Variants in TRIO observed in about 807,000 individuals in gnomAD.
The protein encoded by TRIO is trio Rho guanine nucleotide exchange factor.
Under a neutral mutation model 351.9 loss-of-function variants are expected in TRIO, and 58 were observed. The ratio of observed to expected loss-of-function variants is 0.16; its 90% CI spans 0.13 to 0.21. The LOEUF is 0.21. Among genes scored for constraint, TRIO ranks in the 10% least tolerant of loss-of-function variants. The pLI is 1.00. For missense variants in TRIO, 3,201 were observed against 4,027.8 expected, an observed-to-expected ratio of 0.79 and a Z score of 5.56; for synonymous variants, 1,758 against 1,595.7, an observed-to-expected ratio of 1.10 and a Z score of -2.42.
chr5:14,164,526 C>T (rs922400376), intron 1 of TRIO, among the ~76,000 whole-genome samples: 2 of 152,070 alleles, frequency 1.3e-5, no homozygotes, highest in African/African-American at 4.8e-5. Context: ...TTCAAGAATC[C>T]GATTTTCATT....
chr5:14,202,387 C>T (rs1381191347), intron 1 of TRIO, among the ~76,000 whole-genome samples: 1 of 123,028 alleles, frequency 8.1e-6, no homozygotes, highest in Non-Finnish European at 1.6e-5. Flanking sequence ...GACAATTCCT[C>T]TTCTTCCAGT....
chr5:14,500,049 T>TAA (rs759222831), intron 53 of TRIO, among the ~76,000 whole-genome samples: 18 of 77,118 alleles, frequency 2.3e-4, no homozygotes, highest in African/African-American at 7.3e-4. Context: ...AGACTCTGTC[T>TAA]CAAAAAAAAA....
At chr5:14,320,200 G>A (rs1263629168) in intron 9 of TRIO, among the ~76,000 whole-genome samples, 1 of 152,168 alleles carries the variant, frequency 6.6e-6, no homozygotes, top group East Asian at 1.9e-4. Context: ...ATGAATAAAT[G>A]AATAGCTGTG....
chr5:14,397,103 C>G lies in TRIO; in HGVS notation c.4372C>G (p.Leu1458Val). Reference sequence around the variant, plus strand: ...GATTAAAGATGGCCTGGAGGTGATGCTCAGCGTGCCGAAGCGAGCCAATGA... The same window carrying G: ...GATTAAAGATGGCCTGGAGGTGATGGTCAGCGTGCCGAAGCGAGCCAATGA... Reference protein sequence around the residue: ...GEIKDGLEVMLSVPKRANDAM... With the variant: ...GEIKDGLEVMVSVPKRANDAM... Residue 1458 changes from leucine (L) to valine (V), a missense_variant, in exon 29 of 57, where the codon CTC (leucine) becomes GTC (valine). Transcript: ENST00000344204. 4 of 1,609,982 alleles carry G rather than the reference C, an allele frequency of 2.5e-6. No homozygotes were observed. Among genetic ancestry groups the G allele is most frequent in the Non-Finnish European group, 3.4e-6 (4 of 1,178,924 alleles).
At chr5:14,368,642 C>A in intron 16 of TRIO, 66 bp from the exon 17 acceptor site, 1 of 1,528,714 alleles carries the variant, frequency 6.5e-7, no homozygotes, top group Non-Finnish European at 8.9e-7. Flanking sequence ...CTGTAGCCAT[C>A]CTGGTTCCTT....
chr5:14,229,117 A>G (rs1301916606), intron 1 of TRIO, among the ~76,000 whole-genome samples: 1 of 152,196 alleles, frequency 6.6e-6, no homozygotes. Flanking sequence ...AATTAAAAAT[A>G]GGTTTAAGAT....
Position 14,188,586 on chromosome 5 carries a change from A to G in TRIO, c.157+44704A>G, listed in dbSNP as rs538099803. On this transcript the variant is annotated intron_variant, in intron 1 of 56. Coordinates refer to ENST00000344204, the MANE Select transcript of TRIO (RefSeq NM_007118.4). ...TACTAAAGTTATGCAAAGTGTTTCT[A>G]TTTTTGAATGATTTTTCTTTCCTTA... 3.3e-5 allele frequency among the ~76,000 whole-genome samples: 5 copies of G among 152,278 alleles called. No individual in the cohort carries two copies. The East Asian group carries it at 9.6e-4, about 29-fold the overall frequency.
intron 15 of TRIO, 38 bp from the exon 16 acceptor site, chr5:14,366,822 A>T (rs1431954691): frequency 2.5e-6 from 4 of 1,612,778 alleles, no homozygotes; most frequent in South Asian, 1.1e-5. Context: ...ATTCTCTGGG[A>T]AGTCCACTGC....
chr5:14,270,722 T>C (rs2152269554), intron 1 of TRIO, 103 bp from the exon 2 acceptor site: 2 of 812,904 alleles, frequency 2.5e-6, no homozygotes, highest in South Asian at 3.0e-5. Flanking sequence ...GTTGATTTAA[T>C]GGATGTGGAT....
chr5:14,287,392 GCA>G (rs1261216782), intron 4 of TRIO, among the ~76,000 whole-genome samples: 3 of 152,186 alleles, frequency 2.0e-5, no homozygotes, highest in African/African-American at 7.2e-5. Context: ...CTGTGGCTTT[GCA>G]CAGTTACAGA....
At chr5:14,351,085 T>C (rs1405085553) in intron 11 of TRIO, among the ~76,000 whole-genome samples, 1 of 152,174 alleles carries the variant, frequency 6.6e-6, no homozygotes, top group African/African-American at 2.4e-5. Context: ...CACCTCCCAC[T>C]GTGCAGCCCA....
chr5:14,324,944 G>A (rs1235034322), intron 9 of TRIO, among the ~76,000 whole-genome samples: 1 of 152,148 alleles, frequency 6.6e-6, no homozygotes, highest in Non-Finnish European at 1.5e-5. Context: ...TTTTATTGAC[G>A]GATGAATTTT....
chr5:14,179,150 C>T (rs1027628504), intron 1 of TRIO, among the ~76,000 whole-genome samples: 8 of 152,196 alleles, frequency 5.3e-5, no homozygotes, highest in Admixed American at 5.2e-4. Flanking sequence ...CCGGCCAGCA[C>T]GTCGGTGTCC....
At chr5:14,311,062 G>A (rs962765274) in intron 8 of TRIO, among the ~76,000 whole-genome samples, 7 of 152,188 alleles carry the variant, frequency 4.6e-5, no homozygotes, top group African/African-American at 1.7e-4. Flanking sequence ...GCTGTAGTCA[G>A]CATCTGCCAT....
At chr5:14,502,374 T>C (rs971068671) in intron 53 of TRIO, among the ~76,000 whole-genome samples, 1 of 152,242 alleles carries the variant, frequency 6.6e-6, no homozygotes, top group Non-Finnish European at 1.5e-5. Context: ...AAATCATTAG[T>C]GAACTATTTT....
intron 1 of TRIO, among the ~76,000 whole-genome samples, chr5:14,254,518 C>T (rs1794920609): frequency 1.3e-5 from 2 of 152,266 alleles, no homozygotes; most frequent in Middle Eastern, 3.4e-3. Context: ...AGCAATGTGC[C>T]ATGTGAGGCG....
chr5:14,333,014 A>G (rs548478919), intron 10 of TRIO, among the ~76,000 whole-genome samples: 4 of 152,334 alleles, frequency 2.6e-5, no homozygotes, highest in East Asian at 3.9e-4. Context: ...CTTCAGCTGC[A>G]GGACCAGTTT....
intron 1 of TRIO, among the ~76,000 whole-genome samples, chr5:14,223,049 C>T (rs573605952): frequency 1.3e-5 from 2 of 152,270 alleles, no homozygotes; most frequent in South Asian, 4.2e-4. Context: ...GAGACCTCCT[C>T]CTTCCATGAG....
chr5:14,291,855 A>G (rs1736944942), intron 5 of TRIO, among the ~76,000 whole-genome samples: 1 of 151,586 alleles, frequency 6.6e-6, no homozygotes, highest in South Asian at 2.1e-4. Context: ...ACAAAACACC[A>G]TTCCAATCTA....
Sources: allele counts gnomAD v4.1 joint callset (sites outside exome capture counted in the v4.1 genomes callset), GRCh38; gene constraint gnomAD v4.1.1; transcripts MANE v1.5; gene names NCBI Gene and HGNC (gene_info 2026-07-23, HGNC 2026-07-21).